MAST4: variants seen among roughly 807,000 people sequenced by gnomAD.
MAST4 encodes the protein microtubule associated serine/threonine kinase family member 4.
In MAST4, 89 loss-of-function variants were observed where a neutral mutation model predicts 162.7. That is an observed-to-expected ratio of 0.55 (90% confidence interval 0.46 to 0.65). The LOEUF (loss-of-function observed/expected upper bound fraction) is 0.65. Among genes scored for constraint, MAST4 ranks in the 30% least tolerant of loss-of-function variants. The pLI is 0.00. For synonymous variants in MAST4, 1,479 were observed against 1,361.1 expected, an observed-to-expected ratio of 1.09 and a Z score of -1.91; for missense variants, 3,153 against 3,374.0, an observed-to-expected ratio of 0.93 and a Z score of 1.62.
intron 3 of MAST4, among the ~76,000 whole-genome samples, chr5:66,850,777 C>T (rs1759247632): frequency 6.6e-6 from 1 of 152,098 alleles, no homozygotes; most frequent in Non-Finnish European, 1.5e-5. Flanking sequence ...AGAAGGATTA[C>T]TTAACCTGTA....
intron 3 of MAST4, among the ~76,000 whole-genome samples, chr5:66,810,493 A>G (rs1256197186): frequency 6.6e-6 from 1 of 152,168 alleles, no homozygotes; most frequent in Non-Finnish European, 1.5e-5. Context: ...ACATCTACCC[A>G]TATTCCATTG....
At chr5:66,800,530 T>G (rs1755865552) in intron 3 of MAST4, among the ~76,000 whole-genome samples, 1 of 151,888 alleles carries the variant, frequency 6.6e-6, no homozygotes, top group Non-Finnish European at 1.5e-5. Context: ...CACCAGACAC[T>G]GGGGCCTGCT....
At chr5:66,759,938 T>A in intron 2 of MAST4, 76 bp downstream of exon 2, 1 of 1,500,114 alleles carries the variant, frequency 6.7e-7, no homozygotes, top group Non-Finnish European at 9.0e-7. Context: ...GAGTTCCACA[T>A]GTAATCAGCT....
intron 3 of MAST4, among the ~76,000 whole-genome samples, chr5:66,838,936 T>G (rs1049362572): frequency 1.3e-5 from 2 of 152,158 alleles, no homozygotes; most frequent in Non-Finnish European, 2.9e-5. Context: ...AAATATTTTA[T>G]CAACTGTGAA....
chr5:66,907,239 G>A (rs77225151), intron 4 of MAST4, among the ~76,000 whole-genome samples: 1,593 of 146,622 alleles, frequency 0.011, 47 homozygotes, highest in African/African-American at 0.039. Flanking sequence ...TTCACAGATA[G>A]AATCCCAGGT....
intron 1 of MAST4, among the ~76,000 whole-genome samples, chr5:66,745,693 G>T (rs181512574): frequency 6.6e-6 from 1 of 152,130 alleles, no homozygotes; most frequent in Non-Finnish European, 1.5e-5. Flanking sequence ...CTGTAGAATT[G>T]CTTGTACCTG....
chr5:66,950,491 C>T (rs1440011974), intron 4 of MAST4, among the ~76,000 whole-genome samples: 1 of 152,072 alleles, frequency 6.6e-6, no homozygotes, highest in Non-Finnish European at 1.5e-5. Flanking sequence ...CTACTATAGA[C>T]AAGCCAAAAT....
chr5:66,790,452 A>G (rs1755346695), intron 3 of MAST4, among the ~76,000 whole-genome samples: 1 of 152,240 alleles, frequency 6.6e-6, no homozygotes. Context: ...CTTTAAAGAA[A>G]TTTCTTTCAG....
chr5:66,921,003 G>A (rs1225096996), intron 4 of MAST4, among the ~76,000 whole-genome samples: 1 of 152,078 alleles, frequency 6.6e-6, no homozygotes, highest in Non-Finnish European at 1.5e-5. Context: ...AAATCACAGC[G>A]GCTGCAGTGG....
intron 4 of MAST4, among the ~76,000 whole-genome samples, chr5:67,024,319 A>G (rs1754350523): frequency 7.4e-6 from 1 of 135,476 alleles, no homozygotes; most frequent in African/African-American, 3.3e-5. Flanking sequence ...AGATATATAT[A>G]TATATCTATA....
In MAST4 at chr5:67,163,246, CCAAACT is replaced by C. The variant is rs1773431111; in HGVS notation, c.4069_4074del (p.Lys1357_Leu1358del). The C allele has an allele frequency of 2.5e-6, 4 of 1,613,794 alleles. No individual in the cohort carries two copies. Among genetic ancestry groups the C allele is most frequent in the Non-Finnish European group, 1.7e-6 (2 of 1,179,900 alleles). On this transcript the variant is annotated inframe_deletion, in exon 29 of 29. Coordinates refer to ENST00000403625, the MANE Select transcript of MAST4 (RefSeq NM_001164664.2). This position sits in a 1 kb window ranked among gnomAD's most constrained non-coding sequence, Gnocchi z 7.0. ...CCCAGCACTCTCCACGGTCTTGCAC[CCAAACT>C]CGGCGGGCAGCGGTACCGGTCCGGA...
At chr5:66,753,525 C>T (rs909879031) in intron 1 of MAST4, among the ~76,000 whole-genome samples, 13 of 151,790 alleles carry the variant, frequency 8.6e-5, no homozygotes, top group East Asian at 5.8e-4. Context: ...ACAAACACCT[C>T]GACGCAAATA....
chr5:66,993,835 C>A (rs1031082830), intron 4 of MAST4, among the ~76,000 whole-genome samples: 1 of 151,266 alleles, frequency 6.6e-6, no homozygotes, highest in Non-Finnish European at 1.5e-5. Flanking sequence ...ACCTCTCAAA[C>A]TTTAAGAATC....
chr5:66,704,473 C>G (rs1026122889), intron 1 of MAST4, among the ~76,000 whole-genome samples: 1 of 150,334 alleles, frequency 6.7e-6, no homozygotes, highest in African/African-American at 2.5e-5. Flanking sequence ...CTTCTGCATC[C>G]TCTCTGTTGC....
intron 1 of MAST4, among the ~76,000 whole-genome samples, chr5:66,618,680 C>G (rs966735681): frequency 6.6e-6 from 1 of 150,548 alleles, no homozygotes; most frequent in Admixed American, 6.6e-5. Flanking sequence ...TTACCCTGAT[C>G]ACTTTTGAGT....
At position 67,166,806 on chromosome 5, in the gene MAST4, G is replaced by C. The variant is rs1385676785; in HGVS notation, c.7627G>C (p.Gly2543Arg). ...SHHPDPNTMG[G>R]ASHRDRALSV... The stretch of plus-strand genomic sequence containing the variant: ...CCACCCCGACCCAAACACCATGGGC[G>C]GGGCCAGCCACCGGGACAGGGCTCT... Residue 2543 changes from glycine to arginine, a missense_variant, in exon 29 of 29, where the codon GGG (glycine) becomes CGG (arginine). By Grantham distance (125) the Gly-to-Arg change is moderately radical. Around this residue, in one of 7 missense-constraint regions of MAST4, gnomAD observed 1,644 missense variants for 1,495.0 expected, o/e 1.10. Transcript: ENST00000403625. 5 of 1,603,808 alleles carry C rather than the reference G, an allele frequency of 3.1e-6. No individual in the cohort carries two copies. Among genetic ancestry groups the C allele is most frequent in the Non-Finnish European group, 4.3e-6 (5 of 1,175,916 alleles).
At chr5:66,613,895 C>T (rs1743462357) in intron 1 of MAST4, among the ~76,000 whole-genome samples, 2 of 152,080 alleles carry the variant, frequency 1.3e-5, no homozygotes, top group Admixed American at 1.3e-4. Context: ...GGGAAAAATT[C>T]CTTCCTCACA....
intron 26 of MAST4, among the ~76,000 whole-genome samples, chr5:67,159,161 G>A (rs1772896984): frequency 6.6e-6 from 1 of 152,106 alleles, no homozygotes; most frequent in Non-Finnish European, 1.5e-5. Flanking sequence ...AATGATAAAG[G>A]GAAAATTTTT....
intron 4 of MAST4, among the ~76,000 whole-genome samples, chr5:66,947,963 C>T (rs777607986): frequency 3.3e-5 from 5 of 152,028 alleles, no homozygotes; most frequent in Non-Finnish European, 5.9e-5. Context: ...AATCTCTTTC[C>T]CCTGCAAAAT....
Sources: gnomAD v4.1 joint callset for allele counts (sites outside exome capture counted in the v4.1 genomes callset) on GRCh38, gnomAD v4.1.1 for gene constraint, gnomAD v4.1.1 regional missense constraint, Gnocchi (gnomAD v3.1) non-coding constraint, MANE v1.5 for transcripts, NCBI Gene and HGNC (gene_info 2026-07-23, HGNC 2026-07-21) for gene names.